The following TRIQK variants were observed in gnomAD, a reference collection of about 807,000 sequenced individuals.
TRIQK encodes triple QxxK/R motif containing, also known as triple QxxK/R motif-containing protein.
Under a neutral mutation model 10.8 loss-of-function variants are expected in TRIQK, and 10 were observed. The observed-to-expected ratio is 0.92, with a 90% CI of 0.57 to 1.57. The LOEUF (loss-of-function observed/expected upper bound fraction) is 1.57, where lower values mean the gene tolerates loss of function less well. Among genes scored for constraint, TRIQK ranks in the 40% most tolerant of loss-of-function variants. TRIQK has a pLI of 0.00. For missense variants in TRIQK, 107 were observed against 97.7 expected, an observed-to-expected ratio of 1.09 and a Z score of -0.40; for synonymous variants, 33 against 33.7, an observed-to-expected ratio of 0.98 and a Z score of 0.07.
intron 2 of TRIQK, among the ~76,000 whole-genome samples, chr8:92,942,007 C>T (rs192639641): frequency 5.9e-5 from 9 of 152,138 alleles, no homozygotes; most frequent in Non-Finnish European, 1.0e-4. Flanking sequence ...TAATAAAGAA[C>T]GAACACTAAT....
intron 2 of TRIQK, among the ~76,000 whole-genome samples, chr8:92,951,456 C>T (rs1461984083): frequency 6.6e-6 from 1 of 152,016 alleles, no homozygotes; most frequent in Non-Finnish European, 1.5e-5. Context: ...CAGACAGAAA[C>T]CCGTGAGAGG....
In TRIQK at chr8:92,941,789, A is replaced by G. The variant is rs1186174744; in HGVS notation, c.-22+12617T>C. Among the ~76,000 whole-genome samples the G allele has an allele frequency of 3.3e-5, 5 of 152,190 alleles. No homozygotes were observed. The East Asian group carries it at 7.7e-4, about 23-fold the overall frequency. On this transcript the variant is annotated intron_variant, in intron 2 of 4. Transcript: ENST00000521988. ...ACAAAAATGCAAAAGGTCACAAGAG[A>G]TAATTATGAACAAGTGTATGACAAC...
intron 3 of TRIQK, among the ~76,000 whole-genome samples, chr8:92,901,556 T>G (rs1403005398): frequency 1.3e-5 from 2 of 152,198 alleles, no homozygotes; most frequent in African/African-American, 4.8e-5. Flanking sequence ...ATTGTTTGAT[T>G]TGTGTATGTT....
At chr8:92,933,604 G>T (rs1189641101) in intron 2 of TRIQK, among the ~76,000 whole-genome samples, 1 of 152,006 alleles carries the variant, frequency 6.6e-6, no homozygotes, top group Non-Finnish European at 1.5e-5. Flanking sequence ...GTAGATAAAA[G>T]AATAAAACCA....
chr8:92,980,542 T>C (rs1303161388), intron 1 of TRIQK, among the ~76,000 whole-genome samples: 2 of 152,130 alleles, frequency 1.3e-5, no homozygotes, highest in East Asian at 3.9e-4. Flanking sequence ...ACTCACTATC[T>C]GGGTAAAAAG....
chr8:92,933,757 G>A (rs934892441), intron 2 of TRIQK, among the ~76,000 whole-genome samples: 1 of 152,004 alleles, frequency 6.6e-6, no homozygotes, highest in Non-Finnish European at 1.5e-5. Flanking sequence ...TAACATTCAA[G>A]ATATATATTG....
At chr8:92,957,054 C>G (rs1411899112) in intron 1 of TRIQK, among the ~76,000 whole-genome samples, 3 of 151,716 alleles carry the variant, frequency 2.0e-5, no homozygotes, top group Non-Finnish European at 4.4e-5. Context: ...AACTGACTTG[C>G]CCAAGCATGC....
intron 1 of TRIQK, among the ~76,000 whole-genome samples, chr8:92,996,265 T>C (rs1244080817): frequency 6.6e-6 from 1 of 152,102 alleles, no homozygotes; most frequent in Non-Finnish European, 1.5e-5. Context: ...TTTTCTATTC[T>C]TTCAAAATAG....
intron 2 of TRIQK, among the ~76,000 whole-genome samples, chr8:92,924,748 A>T (rs1479639805): frequency 1.3e-5 from 2 of 151,712 alleles, no homozygotes; most frequent in Non-Finnish European, 2.9e-5. Flanking sequence ...CAATATTATA[A>T]GTCATATTAA....
chr8:92,957,365 C>G (rs568048405), intron 1 of TRIQK, among the ~76,000 whole-genome samples: 124 of 151,522 alleles, frequency 8.2e-4, no homozygotes, highest in African/African-American at 2.9e-3. Flanking sequence ...CATATATACA[C>G]ATATATATGT....
intron 3 of TRIQK, among the ~76,000 whole-genome samples, chr8:92,906,062 G>A (rs1809241069): frequency 6.6e-6 from 1 of 152,212 alleles, no homozygotes; most frequent in South Asian, 2.1e-4. Context: ...AGACTGCTAT[G>A]GTATTATAGC....
intron 2 of TRIQK, chr8:92,941,370 C>G (rs1811264925): frequency 6.6e-6 from 1 of 152,022 alleles, no homozygotes; most frequent in Non-Finnish European, 1.5e-5. Flanking sequence ...AGCCACTGCA[C>G]CCAGCCAAAA....
intron 3 of TRIQK, among the ~76,000 whole-genome samples, chr8:92,912,117 G>T (rs997032639): frequency 1.3e-5 from 2 of 151,360 alleles, no homozygotes; most frequent in African/African-American, 4.8e-5. Flanking sequence ...AAAAGTAACA[G>T]CATACATATT....
At chr8:93,016,204 C>T (rs1813383342) in intron 1 of TRIQK, among the ~76,000 whole-genome samples, 1 of 152,078 alleles carries the variant, frequency 6.6e-6, no homozygotes, top group Non-Finnish European at 1.5e-5. Context: ...GTAGTGTCAT[C>T]ACAATAAATG....
rs561639807 is a variant in TRIQK, at chr8:92,950,057, A to T, written c.-22+4349T>A. On this transcript the variant is annotated intron_variant, in intron 2 of 4. Coordinates refer to ENST00000521988, the MANE Select transcript of TRIQK (RefSeq NM_001171797.2). ...ATATCTGGTATTATTTGATCTTTTA[A>T]ATATCTTCTATCATCAGCTAAGTGG... Among the ~76,000 whole-genome samples, 4 of 152,296 alleles carry T rather than the reference A, an allele frequency of 2.6e-5. No homozygotes were observed. In the East Asian group the frequency reaches 7.7e-4, roughly 29 times the overall value.
At chr8:92,970,630 C>A (rs58343986), upstream of TRIQK, among the ~76,000 whole-genome samples, 15,408 of 152,144 alleles carry the variant, frequency 0.1, 1,837 homozygotes, top group African/African-American at 0.28. Flanking sequence ...GTGTCTTTTG[C>A]CCACTTTTTA....
At chr8:92,942,958 G>T (rs1312277025) in intron 2 of TRIQK, among the ~76,000 whole-genome samples, 1 of 151,892 alleles carries the variant, frequency 6.6e-6, no homozygotes, top group Non-Finnish European at 1.5e-5. Context: ...CTTCCAAAGT[G>T]CTAGGATTAC....
At chr8:92,908,678 A>G (rs1185901262) in intron 3 of TRIQK, among the ~76,000 whole-genome samples, 2 of 152,124 alleles carry the variant, frequency 1.3e-5, no homozygotes, top group Non-Finnish European at 2.9e-5. Flanking sequence ...TAACAAAGAT[A>G]TATAATTTAT....
chr8:92,954,602 G>A (rs1234051241), intron 1 of TRIQK, 38 bp from the exon 2 acceptor site: 1 of 151,842 alleles, frequency 6.6e-6, no homozygotes, highest in African/African-American at 2.4e-5. Flanking sequence ...ATAGTAAATG[G>A]ATGATCTCCA....
Sources: gnomAD v4.1 joint callset for allele counts (sites outside exome capture counted in the v4.1 genomes callset) on GRCh38, gnomAD v4.1.1 for gene constraint, MANE v1.5 for transcripts, NCBI Gene and HGNC (gene_info 2026-07-23, HGNC 2026-07-21) for gene names.